The following HTR1E variants were observed in gnomAD, a reference collection of about 807,000 sequenced individuals.
HTR1E encodes the protein 5-hydroxytryptamine receptor 1E, also known as 5-HT-1E.
In HTR1E, 3 loss-of-function variants were observed where a neutral mutation model predicts 3.4. The observed-to-expected ratio is 0.89, with a 90% CI of 0.41 to 2.31. The LOEUF (loss-of-function observed/expected upper bound fraction) is 2.31, where lower values mean the gene tolerates loss of function less well. HTR1E is among the 30% of genes most tolerant of loss of function. HTR1E has a pLI of 0.05. For missense variants in HTR1E, 392 were observed against 467.0 expected, an observed-to-expected ratio of 0.84 and a Z score of 1.48; for synonymous variants, 170 against 182.8, an observed-to-expected ratio of 0.93 and a Z score of 0.56.
chr6:86,994,069 A>C (rs1767905093), intron 1 of HTR1E, among the ~76,000 whole-genome samples: 1 of 152,162 alleles, frequency 6.6e-6, no homozygotes, highest in African/African-American at 2.4e-5. Context: ...AAGATAGAAA[A>C]ATGGAAATTA....
At chr6:86,973,802 C>T (rs1767593433) in intron 1 of HTR1E, among the ~76,000 whole-genome samples, 1 of 152,206 alleles carries the variant, frequency 6.6e-6, no homozygotes, top group African/African-American at 2.4e-5. Context: ...CACTTTCAGG[C>T]AGCCAACAGC....
chr6:87,014,175 G>C (rs1185634847), intron 1 of HTR1E, among the ~76,000 whole-genome samples: 3 of 151,642 alleles, frequency 2.0e-5, no homozygotes, highest in East Asian at 1.9e-4. Flanking sequence ...CGAGTTAAAG[G>C]ATGCAGCAAA....
chr6:87,016,309 G>A lies in HTR1E; in HGVS notation c.975G>A (p.Val325=). Reference sequence around the variant, plus strand: ...GCATCTACACCGTGTCCTCGGAAGTGGCCGACTTTCTGACGTGGCTCGGTT... The same window carrying A: ...GCATCTACACCGTGTCCTCGGAAGTAGCCGACTTTCTGACGTGGCTCGGTT... ...GLSIYTVSSE[V]ADFLTWLGYV... is the part of the protein sequence containing the mutation. The change falls in exon 2 of 2, where the codon GTG becomes GTA. Residue 325 remains valine (V), a synonymous_variant. Coordinates refer to ENST00000305344, the MANE Select transcript of HTR1E (RefSeq NM_000865.3). 2.5e-6 allele frequency: 4 copies of A among 1,614,190 alleles called. No homozygotes were observed. Among genetic ancestry groups the A allele is most frequent in the Non-Finnish European group, 3.4e-6 (4 of 1,180,044 alleles).
chr6:86,940,336 G>A (rs1484747661), intron 1 of HTR1E, among the ~76,000 whole-genome samples: 6 of 152,048 alleles, frequency 3.9e-5, no homozygotes, highest in Admixed American at 1.3e-4. Context: ...ATGAGTTCGA[G>A]ACCAGCCTGA....
chr6:87,010,731 C>T (rs1768215875), intron 1 of HTR1E, among the ~76,000 whole-genome samples: 1 of 149,920 alleles, frequency 6.7e-6, no homozygotes, highest in Non-Finnish European at 1.5e-5. Flanking sequence ...ACACTCCTCA[C>T]TTCCCAGACG....
intron 1 of HTR1E, among the ~76,000 whole-genome samples, chr6:86,972,765 G>A (rs1174670616): frequency 6.6e-6 from 1 of 152,100 alleles, no homozygotes; most frequent in African/African-American, 2.4e-5. Flanking sequence ...TGCGAGTTGG[G>A]GGAACTCTGG....
chr6:86,941,290 C>T (rs1229788628), intron 1 of HTR1E, among the ~76,000 whole-genome samples: 2 of 152,200 alleles, frequency 1.3e-5, no homozygotes, highest in Non-Finnish European at 2.9e-5. Flanking sequence ...TTGGCATATT[C>T]CCGGATCACA....
chr6:86,962,795 G>GC (rs1429433377), intron 1 of HTR1E, among the ~76,000 whole-genome samples: 1 of 152,040 alleles, frequency 6.6e-6, no homozygotes, highest in African/African-American at 2.4e-5. Context: ...CCAAGATTGT[G>GC]CCACTGCACT....
At chr6:86,989,398 T>TA (rs972329356) in intron 1 of HTR1E, among the ~76,000 whole-genome samples, 132 of 152,052 alleles carry the variant, frequency 8.7e-4, no homozygotes, top group African/African-American at 2.6e-3. Context: ...AAAATCATGA[T>TA]AAAAAAAATG....
At chr6:86,979,805 C>A (rs57164784) in intron 1 of HTR1E, among the ~76,000 whole-genome samples, 3,913 of 152,110 alleles carry the variant, frequency 0.026, 158 homozygotes, top group African/African-American at 0.089. Flanking sequence ...GGTGAAAGAG[C>A]CTAGGATTGA....
intron 1 of HTR1E, among the ~76,000 whole-genome samples, chr6:87,004,148 G>A (rs2048700145): frequency 6.6e-6 from 1 of 152,108 alleles, no homozygotes; most frequent in African/African-American, 2.4e-5. Flanking sequence ...TCCAGGATGT[G>A]ATGACTTCAC....
chr6:87,011,429 T>G (rs544514479), intron 1 of HTR1E, among the ~76,000 whole-genome samples: 16 of 152,324 alleles, frequency 1.1e-4, no homozygotes, highest in Admixed American at 5.9e-4. Flanking sequence ...GAAAATATTC[T>G]CTAAATGATG....
chr6:86,978,193 A>G (rs1767665799), intron 1 of HTR1E, among the ~76,000 whole-genome samples: 1 of 152,154 alleles, frequency 6.6e-6, no homozygotes, highest in Non-Finnish European at 1.5e-5. Flanking sequence ...ATTCCTTCCT[A>G]ATGAAATCCT....
At chr6:86,986,308 GTAT>G (rs1227829055) in intron 1 of HTR1E, among the ~76,000 whole-genome samples, 1 of 152,080 alleles carries the variant, frequency 6.6e-6, no homozygotes, top group African/African-American at 2.4e-5. Context: ...CATTTTTAAA[GTAT>G]TATATAGGGT....
chr6:86,968,849 C>A (rs968030992), intron 1 of HTR1E, among the ~76,000 whole-genome samples: 6 of 149,874 alleles, frequency 4.0e-5, no homozygotes, highest in African/African-American at 1.5e-4. Flanking sequence ...AGTTTTGTTT[C>A]ATGTTCATAA....
chr6:86,974,198 T>C (rs959705708), intron 1 of HTR1E, among the ~76,000 whole-genome samples: 2 of 152,190 alleles, frequency 1.3e-5, no homozygotes, highest in Non-Finnish European at 2.9e-5. Flanking sequence ...TGAGAGTAAA[T>C]TGCCAGCCTA....
chr6:86,966,470 G>T (rs1767472271), intron 1 of HTR1E, among the ~76,000 whole-genome samples: 1 of 152,126 alleles, frequency 6.6e-6, no homozygotes, highest in African/African-American at 2.4e-5. Context: ...CCTCTTTCCA[G>T]CTCTGGAATC....
intron 1 of HTR1E, among the ~76,000 whole-genome samples, chr6:87,013,028 A>T (rs1403575064): frequency 6.6e-6 from 1 of 152,218 alleles, no homozygotes; most frequent in Non-Finnish European, 1.5e-5. Context: ...ACCAGATCCA[A>T]AATATAAAAC....
At chr6:87,010,372 C>T (rs1768198508) in intron 1 of HTR1E, among the ~76,000 whole-genome samples, 1 of 127,760 alleles carries the variant, frequency 7.8e-6, no homozygotes, top group African/African-American at 2.9e-5. Flanking sequence ...GGGCTGACCC[C>T]CCCATCTCCC....
Sources: allele counts gnomAD v4.1 joint callset (sites outside exome capture counted in the v4.1 genomes callset), GRCh38; gene constraint gnomAD v4.1.1; transcripts MANE v1.5; gene names NCBI Gene and HGNC (gene_info 2026-07-23, HGNC 2026-07-21).